The following PCBP2 variants were observed in gnomAD, a reference collection of about 807,000 sequenced individuals.
PCBP2 encodes the protein poly(rC) binding protein 2.
In PCBP2, 4 loss-of-function variants were observed where a neutral mutation model predicts 50.1. The observed-to-expected ratio is 0.08, with a 90% CI of 0.04 to 0.18. The LOEUF is 0.18. Ranked by LOEUF, PCBP2 falls within the 10% of genes least tolerant of loss-of-function variation. The pLI is 1.00. For missense variants in PCBP2, 161 were observed against 474.3 expected (o/e 0.34, Z 6.14); for synonymous variants, 179 against 168.0 (o/e 1.07, Z -0.51).
intron 9 of PCBP2, chr12:53,465,154 C>T (rs184734402): frequency 9.4e-5 from 26 of 276,344 alleles, no homozygotes; most frequent in Admixed American, 4.9e-4. Flanking sequence ...TTTGGGGGTA[C>T]TGGCCACTGT....
chr12:53,469,475 CT>C (rs1942052498), intron 13 of PCBP2, among the ~76,000 whole-genome samples: 1 of 151,846 alleles, frequency 6.6e-6, no homozygotes, highest in African/African-American at 2.4e-5. Context: ...AATCCCAGCA[CT>C]TTGGGAGGCC....
intron 5 of PCBP2, among the ~76,000 whole-genome samples, chr12:53,456,241 G>A (rs1045314105): frequency 2.6e-5 from 4 of 152,074 alleles, no homozygotes; most frequent in African/African-American, 9.7e-5. Context: ...GCTGAGGCGG[G>A]CAGATAAACG....
intron 14 of PCBP2, among the ~76,000 whole-genome samples, chr12:53,478,583 C>A (rs1191694351): frequency 6.6e-6 from 1 of 152,168 alleles, no homozygotes; most frequent in African/African-American, 2.4e-5. Flanking sequence ...GCAGGCAGAT[C>A]ACCTGAGGTC....
At chr12:53,475,219 T>C (rs944050143) in intron 14 of PCBP2, 1 of 454,196 alleles carries the variant, frequency 2.2e-6, no homozygotes, top group African/African-American at 2.0e-5. Flanking sequence ...CCCTACTGAT[T>C]GCATACCTTG....
intron 11 of PCBP2, 132 bp downstream of exon 11, chr12:53,467,425 A>G (rs1941898218): frequency 1.2e-6 from 1 of 805,354 alleles, no homozygotes; most frequent in South Asian, 1.4e-5. Flanking sequence ...TTGCCTGTCT[A>G]CTATGGCTAA....
chr12:53,470,037 C>A (rs557830568), intron 13 of PCBP2, among the ~76,000 whole-genome samples: 2 of 152,012 alleles, frequency 1.3e-5, no homozygotes, highest in African/African-American at 4.8e-5. Flanking sequence ...TGAGCCACTG[C>A]GTCCAGCCTG....
At chr12:53,465,115 C>T (rs1475974765) in intron 9 of PCBP2, 1 of 338,410 alleles carries the variant, frequency 3.0e-6, no homozygotes, top group East Asian at 4.7e-5. Flanking sequence ...CCCATTTTCA[C>T]CTTCCTTCCA....
chr12:53,460,145 C>T (rs922966768), intron 6 of PCBP2: 6 of 189,916 alleles, frequency 3.2e-5, no homozygotes, highest in South Asian at 1.3e-4. Context: ...AATTCTACAT[C>T]TTTTTTTTTT....
chr12:53,472,783 CA>C (rs755474695), intron 14 of PCBP2, among the ~76,000 whole-genome samples: 18 of 152,108 alleles, frequency 1.2e-4, no homozygotes, highest in Non-Finnish European at 2.4e-4. Context: ...TAGCTAAGAA[CA>C]TACCATTTCC....
At chr12:53,471,486 A>G (rs2137100536) in intron 13 of PCBP2, 152 bp from the exon 14 acceptor site, 1 of 671,566 alleles carries the variant, frequency 1.5e-6, no homozygotes, top group South Asian at 2.1e-5. Flanking sequence ...AATTGCTCAA[A>G]TCCAGGAGGC....
At chr12:53,473,750 C>A (rs572100243) in intron 14 of PCBP2, among the ~76,000 whole-genome samples, 2 of 151,560 alleles carry the variant, frequency 1.3e-5, no homozygotes, top group East Asian at 3.9e-4. Flanking sequence ...AGTTTAAATG[C>A]AGAAGTCAAA....
chr12:53,477,051 C>G (rs933546307), intron 14 of PCBP2, among the ~76,000 whole-genome samples: 1 of 152,100 alleles, frequency 6.6e-6, no homozygotes, highest in African/African-American at 2.4e-5. Context: ...CTAGAGCTCC[C>G]CCATGTGGTC....
In PCBP2 at chr12:53,466,935, A is replaced by G. The variant is rs564321773; in HGVS notation, c.715-286A>G. Among the ~76,000 whole-genome samples, 22 of 152,214 alleles carry G rather than the reference A, an allele frequency of 1.4e-4. No individual in the cohort carries two copies. The East Asian group carries it at 4.1e-3, about 28-fold the overall frequency. ...GCAATGGCTGCAAACTACCTTCATT[A>G]AGTAGCCTCCAAGGGGGATGGTCGT... On this transcript the variant is annotated intron_variant, in intron 10 of 14. Transcript: ENST00000546463.
At chr12:53,460,445 C>A (rs1363851970) in intron 6 of PCBP2, 4 of 280,490 alleles carry the variant, frequency 1.4e-5, no homozygotes, top group Non-Finnish European at 2.9e-5. Flanking sequence ...TGTGCCTGGC[C>A]CCTACTTCCT....
intron 5 of PCBP2, 120 bp from the exon 6 acceptor site, chr12:53,459,152 G>A: frequency 1.4e-6 from 1 of 736,448 alleles, no homozygotes. Flanking sequence ...TTTGTCTATG[G>A]TGGATTATGA....
intron 8 of PCBP2, among the ~76,000 whole-genome samples, chr12:53,462,973 T>G (rs1211616075): frequency 6.6e-6 from 1 of 152,164 alleles, no homozygotes; most frequent in African/African-American, 2.4e-5. Flanking sequence ...GTCCTGAATT[T>G]GAGTGTCCTA....
intron 6 of PCBP2, chr12:53,460,318 T>C: frequency 3.1e-6 from 1 of 324,132 alleles, no homozygotes; most frequent in Non-Finnish European, 6.2e-6. Flanking sequence ...TTTTCTTCTT[T>C]CTGTTGTTGT....
At chr12:53,464,406 C>G (rs996472043) in intron 8 of PCBP2, 1 of 226,236 alleles carries the variant, frequency 4.4e-6, no homozygotes, top group Non-Finnish European at 8.6e-6. Flanking sequence ...ATTGTTCCCA[C>G]AGGCCTTTTT....
At chr12:53,457,662 T>A (rs939712387) in intron 5 of PCBP2, among the ~76,000 whole-genome samples, 1 of 151,858 alleles carries the variant, frequency 6.6e-6, no homozygotes, top group Non-Finnish European at 1.5e-5. Context: ...TTATTAAATT[T>A]TATTTTTTTG....
Sources: allele counts gnomAD v4.1 joint callset (sites outside exome capture counted in the v4.1 genomes callset), GRCh38; gene constraint gnomAD v4.1.1; transcripts MANE v1.5; gene names NCBI Gene and HGNC (gene_info 2026-07-23, HGNC 2026-07-21).